The following ZC3H18 variants were observed in gnomAD, a reference collection of about 807,000 sequenced individuals.
ZC3H18 encodes the protein zinc finger CCCH domain-containing protein 18.
Under a neutral mutation model 106.1 loss-of-function variants are expected in ZC3H18, and 8 were observed. The ratio of observed to expected loss-of-function variants is 0.08; its 90% CI spans 0.04 to 0.14. The LOEUF is 0.14. Ranked by LOEUF, ZC3H18 falls within the 10% of genes least tolerant of loss-of-function variation. ZC3H18 has a pLI of 1.00. For missense variants in ZC3H18, 1,318 were observed against 1,278.4 expected, an observed-to-expected ratio of 1.03 and a Z score of -0.47; for synonymous variants, 635 against 522.1, an observed-to-expected ratio of 1.22 and a Z score of -2.95.
intron 2 of ZC3H18, among the ~76,000 whole-genome samples, chr16:88,582,828 C>G (rs903052023): frequency 2.6e-5 from 4 of 152,222 alleles, no homozygotes; most frequent in African/African-American, 9.6e-5. Flanking sequence ...TGAGGCTGCT[C>G]ATAGCCTCCT....
intron 8 of ZC3H18, among the ~76,000 whole-genome samples, chr16:88,616,041 G>T (rs1905580166): frequency 6.6e-6 from 1 of 152,206 alleles, no homozygotes; most frequent in Admixed American, 6.5e-5. Context: ...CCAGAGGAAA[G>T]CGGGTGACGG....
intron 3 of ZC3H18, among the ~76,000 whole-genome samples, chr16:88,590,239 A>G (rs952724451): frequency 2.6e-5 from 4 of 152,210 alleles, no homozygotes; most frequent in Non-Finnish European, 4.4e-5. Flanking sequence ...GGCATGAGCC[A>G]CTGCTCAGGC....
intron 8 of ZC3H18, among the ~76,000 whole-genome samples, chr16:88,617,785 G>T (rs1905715570): frequency 6.6e-6 from 1 of 152,264 alleles, no homozygotes; most frequent in Non-Finnish European, 1.5e-5. Context: ...GGACACCGCA[G>T]AGTCCGCACC....
intron 6 of ZC3H18, among the ~76,000 whole-genome samples, chr16:88,601,109 G>C (rs1327599919): frequency 6.6e-6 from 1 of 152,272 alleles, no homozygotes; most frequent in Non-Finnish European, 1.5e-5. Flanking sequence ...CTTTCCGCCT[G>C]CGGAAGTTGG....
At chr16:88,592,743 A>G (rs1167689344) in intron 3 of ZC3H18, among the ~76,000 whole-genome samples, 1 of 152,176 alleles carries the variant, frequency 6.6e-6, no homozygotes, top group Non-Finnish European at 1.5e-5. Flanking sequence ...TCCCAAATCG[A>G]AACTATATTT....
At chr16:88,623,647 G>A (rs1279796496) in intron 10 of ZC3H18, 1 of 555,534 alleles carries the variant, frequency 1.8e-6, no homozygotes, top group African/African-American at 1.9e-5. Context: ...TGTCCTGTGG[G>A]TGTTTCTATG....
chr16:88,595,938 A>G (rs1373424688), intron 3 of ZC3H18, among the ~76,000 whole-genome samples: 1 of 152,242 alleles, frequency 6.6e-6, no homozygotes, highest in African/African-American at 2.4e-5. Flanking sequence ...TCACATTTTA[A>G]AAAGATAGAT....
intron 10 of ZC3H18, 115 bp from the exon 11 acceptor site, chr16:88,623,843 G>A (rs920066171): frequency 1.8e-5 from 26 of 1,460,316 alleles, no homozygotes; most frequent in Non-Finnish European, 2.4e-5. Flanking sequence ...TAAAACTGAG[G>A]CACATAAATG....
At chr16:88,576,471 C>A (rs1914759489) in intron 1 of ZC3H18, among the ~76,000 whole-genome samples, 1 of 152,124 alleles carries the variant, frequency 6.6e-6, no homozygotes, top group African/African-American at 2.4e-5. Flanking sequence ...AGCGGGTGAA[C>A]ACAGCCCTCT....
chr16:88,593,453 A>G (rs1431553563), intron 3 of ZC3H18, among the ~76,000 whole-genome samples: 6 of 152,244 alleles, frequency 3.9e-5, no homozygotes, highest in Admixed American at 2.6e-4. Flanking sequence ...ACAGAACATC[A>G]TTTAAAACTT....
At chr16:88,579,528 A>G (rs909999759) in intron 2 of ZC3H18, among the ~76,000 whole-genome samples, 2 of 152,200 alleles carry the variant, frequency 1.3e-5, no homozygotes, top group African/African-American at 4.8e-5. Context: ...GTGAGTTCTC[A>G]GTGCCGCACC....
chr16:88,625,416 T>C (rs1182653969), intron 13 of ZC3H18, 149 bp downstream of exon 13: 2 of 907,906 alleles, frequency 2.2e-6, no homozygotes, highest in East Asian at 2.7e-5. Context: ...AAGGCTGCGG[T>C]TGAAGCTTTG....
At chr16:88,597,626 T>C (rs1399670868) in intron 3 of ZC3H18, among the ~76,000 whole-genome samples, 1 of 152,238 alleles carries the variant, frequency 6.6e-6, no homozygotes, top group African/African-American at 2.4e-5. Flanking sequence ...TTGTTATTTA[T>C]GAGCAAAGTG....
At chr16:88,599,007 C>T (rs932576696) in intron 5 of ZC3H18, among the ~76,000 whole-genome samples, 3 of 152,148 alleles carry the variant, frequency 2.0e-5, no homozygotes, top group African/African-American at 7.2e-5. Flanking sequence ...TACAGGCATG[C>T]GCCACCAGGC....
At chr16:88,617,514 G>A (rs1031632499) in intron 8 of ZC3H18, among the ~76,000 whole-genome samples, 1 of 152,188 alleles carries the variant, frequency 6.6e-6, no homozygotes, top group African/African-American at 2.4e-5. Context: ...ACGTCATTAC[G>A]ATGCTCTTTG....
intron 3 of ZC3H18, among the ~76,000 whole-genome samples, chr16:88,595,198 G>A (rs139571409): frequency 1.1e-4 from 17 of 152,230 alleles, no homozygotes; most frequent in South Asian, 2.1e-4. Flanking sequence ...CTGCTGTGCC[G>A]ACATTCCAGT....
At chr16:88,622,596 A>C in intron 9 of ZC3H18, 1 of 573,748 alleles carries the variant, frequency 1.7e-6, no homozygotes, top group East Asian at 3.1e-5. Context: ...AGTGACCCCA[A>C]ATGGGGCACA....
In ZC3H18 at chr16:88,627,555, G is replaced by C; in HGVS notation, c.2109-67G>C. ...GGACACTGCGTAAAAGTGGACCATGGAGCACCCCCTGCTGGCCCCTCCCTC... is the reference window on the plus strand; with the variant it reads ...GGACACTGCGTAAAAGTGGACCATGCAGCACCCCCTGCTGGCCCCTCCCTC... On this transcript the variant is annotated intron_variant, in intron 13 of 17. Coordinates refer to ENST00000301011, the MANE Select transcript of ZC3H18 (RefSeq NM_144604.4). This position sits in a 1 kb window ranked among gnomAD's most constrained non-coding sequence, Gnocchi z 4.5. 2.6e-6 allele frequency: 4 copies of C among 1,538,166 alleles called. No individual in the cohort carries two copies. The South Asian group carries it at 5.0e-5, about 19-fold the overall frequency.
At chr16:88,571,331 A>G (rs1914394064) in intron 1 of ZC3H18, among the ~76,000 whole-genome samples, 1 of 152,222 alleles carries the variant, frequency 6.6e-6, no homozygotes, top group Non-Finnish European at 1.5e-5. Context: ...GGAAAATGGA[A>G]GAAGAGAGTG....
Sources: gnomAD v4.1 joint callset for allele counts (sites outside exome capture counted in the v4.1 genomes callset) on GRCh38, gnomAD v4.1.1 for gene constraint, Gnocchi (gnomAD v3.1) non-coding constraint, MANE v1.5 for transcripts, NCBI Gene and HGNC (gene_info 2026-07-23, HGNC 2026-07-21) for gene names.